The following GALM variants were observed in gnomAD, a reference collection of about 807,000 sequenced individuals.
GALM encodes the protein aldose 1-epimerase.
In GALM, 43 loss-of-function variants were observed where a neutral mutation model predicts 37.4. The ratio of observed to expected loss-of-function variants is 1.15; its 90% CI spans 0.90 to 1.48. The LOEUF is 1.48. Ranked by LOEUF, GALM falls within the 40% of genes most tolerant of loss-of-function variation. The pLI, the probability that GALM is intolerant of heterozygous loss-of-function variation, is 0.00. For missense variants in GALM, 456 were observed against 419.1 expected (o/e 1.09, Z -0.77); for synonymous variants, 199 against 170.6 (o/e 1.17, Z -1.30).
At chr2:38,719,378 A>T (rs1341228662) in intron 4 of GALM, among the ~76,000 whole-genome samples, 1 of 151,134 alleles carries the variant, frequency 6.6e-6, no homozygotes, top group Non-Finnish European at 1.5e-5. Context: ...GCTGAGGCAA[A>T]TAATTGCTTG....
intron 1 of GALM, chr2:38,669,021 G>A (rs377326645): frequency 3.9e-4 from 59 of 149,912 alleles, no homozygotes; most frequent in African/African-American, 1.2e-3. Context: ...AGGTCAGAAT[G>A]GTTCAGTTTC....
intron 4 of GALM, among the ~76,000 whole-genome samples, chr2:38,703,334 G>A (rs1026493234): frequency 3.2e-4 from 49 of 150,836 alleles, no homozygotes; most frequent in Non-Finnish European, 6.3e-4. Flanking sequence ...TCTAATTCCC[G>A]ACCTCAGGTG....
At chr2:38,678,077 C>T (rs537059376) in intron 2 of GALM, among the ~76,000 whole-genome samples, 144 of 147,874 alleles carry the variant, frequency 9.7e-4, no homozygotes, top group African/African-American at 3.3e-3. Flanking sequence ...AGTGCAATGG[C>T]GCCATCTCAG....
chr2:38,667,802 A>T (rs145623115), intron 1 of GALM, among the ~76,000 whole-genome samples: 2,997 of 152,206 alleles, frequency 0.02, 39 homozygotes, highest in Non-Finnish European at 0.027. Context: ...GCGCCACTGC[A>T]CTCCAGCCTG....
At chr2:38,702,624 T>A (rs2148443714) in intron 4 of GALM, among the ~76,000 whole-genome samples, 1 of 152,240 alleles carries the variant, frequency 6.6e-6, no homozygotes, top group East Asian at 1.9e-4. Flanking sequence ...CCATTTAGAA[T>A]TCATGATGTG....
chr2:38,688,498 C>T (rs13396461), intron 3 of GALM, among the ~76,000 whole-genome samples: 3,348 of 150,388 alleles, frequency 0.022, 109 homozygotes, highest in African/African-American at 0.078. Context: ...GCAACAAGAG[C>T]GAAACTCGGT....
At chr2:38,685,680 A>G (rs2148432169) in intron 3 of GALM, among the ~76,000 whole-genome samples, 1 of 152,264 alleles carries the variant, frequency 6.6e-6, no homozygotes, top group African/African-American at 2.4e-5. Context: ...CCAGCCTAGA[A>G]GAGTCATAAA....
intron 4 of GALM, among the ~76,000 whole-genome samples, chr2:38,720,104 C>T (rs916080460): frequency 1.3e-5 from 2 of 152,058 alleles, no homozygotes; most frequent in East Asian, 1.9e-4. Context: ...CCTAGCTACT[C>T]GGGAGGCTGT....
intron 4 of GALM, among the ~76,000 whole-genome samples, chr2:38,721,293 A>T (rs1429351300): frequency 2.0e-5 from 3 of 152,226 alleles, no homozygotes; most frequent in Non-Finnish European, 4.4e-5. Context: ...TGTGACAGAG[A>T]TCTGGAATGT....
At chr2:38,683,767 A>C (rs529417922) in intron 3 of GALM, among the ~76,000 whole-genome samples, 56 of 152,246 alleles carry the variant, frequency 3.7e-4, no homozygotes, top group Non-Finnish European at 6.8e-4. Flanking sequence ...GGGTTTCACC[A>C]TGTTGCCCAA....
At chr2:38,727,613 G>C (rs1469059289) in intron 4 of GALM, among the ~76,000 whole-genome samples, 4 of 151,486 alleles carry the variant, frequency 2.6e-5, no homozygotes, top group Non-Finnish European at 4.4e-5. Context: ...TGTAGTCCCA[G>C]CTCCTCGGGA....
intron 4 of GALM, 90 bp downstream of exon 4, chr2:38,689,984 C>A (rs1309188810): frequency 2.8e-6 from 2 of 717,786 alleles, no homozygotes; most frequent in African/African-American, 3.6e-5. Flanking sequence ...GCGGTGAAAT[C>A]TTAATAAAGT....
chr2:38,676,104 C>T, intron 2 of GALM, 38 bp downstream of exon 2: 2 of 1,602,190 alleles, frequency 1.2e-6, no homozygotes, highest in Non-Finnish European at 1.7e-6. Context: ...CCTTTAGGCT[C>T]ACTTTACGCA....
intron 2 of GALM, 105 bp downstream of exon 2, chr2:38,676,171 C>A: frequency 8.8e-7 from 1 of 1,141,896 alleles, no homozygotes; most frequent in South Asian, 1.4e-5. Context: ...TGGTGAGATG[C>A]AGGAAAGAGG....
intron 4 of GALM, 47 bp from the exon 5 acceptor site, chr2:38,729,509 T>G: frequency 6.3e-7 from 1 of 1,586,736 alleles, no homozygotes; most frequent in Non-Finnish European, 8.6e-7. Context: ...TATATAAAGA[T>G]GAGACTTGGG....
Position 38,681,461 on chromosome 2 carries a change from A to G in GALM, c.527A>G (p.His176Arg). ...GCCACACCAGTCAACCTGACCAACC[A>G]TTCTTACTTCAACCTGGCAGGCCAG... ...SQATPVNLTN[H>R]SYFNLAGQAS... The change falls in exon 3 of 7, where the codon CAT becomes CGT. Residue 176 changes from histidine (H) to arginine (R), a missense_variant. Physicochemically the swap from His to Arg is conservative, Grantham distance 29 (BLOSUM62 0). Transcript: ENST00000272252. 6.2e-7 allele frequency: 1 copy of G among 1,614,078 alleles called. No homozygotes were observed.
intron 1 of GALM, among the ~76,000 whole-genome samples, chr2:38,672,941 C>T (rs1028089587): frequency 3.9e-5 from 6 of 151,984 alleles, no homozygotes; most frequent in Admixed American, 2.0e-4. Context: ...ATCCAGGAGG[C>T]GGACGTTGCA....
At chr2:38,669,368 C>G (rs1665029651) in intron 1 of GALM, 1 of 152,284 alleles carries the variant, frequency 6.6e-6, no homozygotes, top group Non-Finnish European at 1.5e-5. Context: ...TCAGGTACCC[C>G]TGGCTTGCTC....
At chr2:38,695,937 G>C (rs961552319) in intron 4 of GALM, among the ~76,000 whole-genome samples, 4 of 152,022 alleles carry the variant, frequency 2.6e-5, no homozygotes, top group Non-Finnish European at 5.9e-5. Context: ...GACCTCAAGT[G>C]ATCCACCCGC....
Sources: allele counts gnomAD v4.1 joint callset (sites outside exome capture counted in the v4.1 genomes callset), GRCh38; gene constraint gnomAD v4.1.1; transcripts MANE v1.5; gene names NCBI Gene and HGNC (gene_info 2026-07-23, HGNC 2026-07-21).